The following UNC5C variants were observed in gnomAD, a reference collection of about 807,000 sequenced individuals.
UNC5C encodes unc-5 netrin receptor C.
Under a neutral mutation model 99.8 loss-of-function variants are expected in UNC5C, and 47 were observed. That is an observed-to-expected ratio of 0.47 (90% CI 0.37 to 0.60). The LOEUF (loss-of-function observed/expected upper bound fraction) is 0.60. UNC5C is among the 20% of genes least tolerant of loss of function. UNC5C has a pLI of 0.00. For missense variants in UNC5C, 1,062 were observed against 1,165.9 expected (o/e 0.91, Z 1.30); for synonymous variants, 487 against 452.2 (o/e 1.08, Z -0.98).
At chr4:95,240,573 G>A (rs4699413) in intron 7 of UNC5C, among the ~76,000 whole-genome samples, 56,336 of 151,904 alleles carry the variant, frequency 0.37, 10,726 homozygotes, top group East Asian at 0.58. Flanking sequence ...ATTTTAACCC[G>A]AACAGCAAAA....
intron 2 of UNC5C, among the ~76,000 whole-genome samples, chr4:95,310,440 G>T (rs1213083017): frequency 6.6e-6 from 1 of 151,754 alleles, no homozygotes; most frequent in Non-Finnish European, 1.5e-5. Context: ...ATTTTTAAGT[G>T]TTCTCATTAC....
chr4:95,298,340 C>T (rs2149402734), intron 3 of UNC5C, among the ~76,000 whole-genome samples: 1 of 152,094 alleles, frequency 6.6e-6, no homozygotes, highest in Non-Finnish European at 1.5e-5. Flanking sequence ...CAAACAAAAC[C>T]AAAGATAATT....
At chr4:95,303,936 C>T (rs1298940280) in intron 2 of UNC5C, among the ~76,000 whole-genome samples, 1 of 152,006 alleles carries the variant, frequency 6.6e-6, no homozygotes, top group Non-Finnish European at 1.5e-5. Context: ...TCTGGAACTC[C>T]TTAAAAACTG....
At chr4:95,547,385 ACACCCC>A (rs1435266375) in intron 1 of UNC5C, among the ~76,000 whole-genome samples, 5 of 151,880 alleles carry the variant, frequency 3.3e-5, no homozygotes. Context: ...TCCGCTTCCA[ACACCCC>A]CATCCCCACC....
At chr4:95,355,467 G>T (rs752526792) in intron 1 of UNC5C, among the ~76,000 whole-genome samples, 3 of 152,032 alleles carry the variant, frequency 2.0e-5, no homozygotes, top group Non-Finnish European at 4.4e-5. Flanking sequence ...TTCACCTTAA[G>T]CTTTATTTCC....
Position 95,533,960 on chromosome 4 carries a change from T to C in UNC5C, c.124+14774A>G, listed in dbSNP as rs1403626151. Among the ~76,000 whole-genome samples, 3 of 152,218 alleles carry C rather than the reference T, an allele frequency of 2.0e-5. No individual in the cohort carries two copies. The South Asian group carries it at 6.2e-4, about 31-fold the overall frequency. On this transcript the variant is annotated intron_variant, in intron 1 of 15. Coordinates refer to ENST00000453304, the MANE Select transcript of UNC5C (RefSeq NM_003728.4). ...CCCACATAAGCAGTTTAATCAATCA[T>C]TAAAAGCATTCTAGTTGCTTCTGTT...
chr4:95,308,696 G>A (rs1742149097), intron 2 of UNC5C, among the ~76,000 whole-genome samples: 1 of 119,846 alleles, frequency 8.3e-6, no homozygotes, highest in Non-Finnish European at 1.6e-5. Context: ...AGGTTTCAGT[G>A]ATTCGAGATT....
chr4:95,422,860 G>A (rs1165535703), intron 1 of UNC5C, among the ~76,000 whole-genome samples: 2 of 152,068 alleles, frequency 1.3e-5, no homozygotes, highest in African/African-American at 4.8e-5. Flanking sequence ...TCCTCTTCCA[G>A]ATGCAGAAAA....
At chr4:95,198,491 T>TAAG (rs1553952274) in intron 12 of UNC5C, among the ~76,000 whole-genome samples, 4 of 152,208 alleles carry the variant, frequency 2.6e-5, no homozygotes, top group South Asian at 4.1e-4. Context: ...GCTACTAGAA[T>TAAG]AAGTTTGGGC....
chr4:95,306,712 AG>A (rs1742075239), intron 2 of UNC5C, among the ~76,000 whole-genome samples: 1 of 152,116 alleles, frequency 6.6e-6, no homozygotes, highest in South Asian at 2.1e-4. Flanking sequence ...TTATGGCAAA[AG>A]GAAGTTTTAA....
At chr4:95,191,602 C>T (rs1737096976) in intron 12 of UNC5C, among the ~76,000 whole-genome samples, 2 of 151,314 alleles carry the variant, frequency 1.3e-5, no homozygotes, top group Admixed American at 1.3e-4. Context: ...CCCTGCTCTC[C>T]CTCCTTCCCT....
chr4:95,412,214 G>A (rs773932151), intron 1 of UNC5C, among the ~76,000 whole-genome samples: 4 of 151,852 alleles, frequency 2.6e-5, no homozygotes, highest in Non-Finnish European at 5.9e-5. Flanking sequence ...TTTAATGTTC[G>A]TACCTGTTTC....
chr4:95,268,611 A>C (rs1380555682), intron 4 of UNC5C, among the ~76,000 whole-genome samples: 1 of 152,214 alleles, frequency 6.6e-6, no homozygotes, highest in African/African-American at 2.4e-5. Context: ...TTTTCTTATT[A>C]TACTCTCCTG....
intron 1 of UNC5C, among the ~76,000 whole-genome samples, chr4:95,364,288 C>T (rs554872730): frequency 9.9e-5 from 15 of 152,258 alleles, no homozygotes; most frequent in African/African-American, 3.6e-4. Context: ...GAAAAGGAAA[C>T]CTCTTTTTGA....
chr4:95,177,647 C>G (rs2149347662), intron 14 of UNC5C, among the ~76,000 whole-genome samples: 1 of 152,224 alleles, frequency 6.6e-6, no homozygotes, highest in East Asian at 1.9e-4. Context: ...GTGCTGTTGG[C>G]TGTGATCATG....
At chr4:95,227,588 C>G (rs923945215) in intron 7 of UNC5C, among the ~76,000 whole-genome samples, 6 of 152,176 alleles carry the variant, frequency 3.9e-5, no homozygotes, top group Non-Finnish European at 7.3e-5. Flanking sequence ...GGAGCAAGAG[C>G]AGGCTATGTC....
At chr4:95,371,506 G>A (rs565818501) in intron 1 of UNC5C, among the ~76,000 whole-genome samples, 10 of 151,992 alleles carry the variant, frequency 6.6e-5, no homozygotes, top group Middle Eastern at 3.4e-3. Flanking sequence ...TAATCTGATG[G>A]TTTAGAGGCA....
intron 10 of UNC5C, among the ~76,000 whole-genome samples, chr4:95,210,293 G>A (rs911259890): frequency 6.6e-6 from 1 of 152,104 alleles, no homozygotes; most frequent in African/African-American, 2.4e-5. Flanking sequence ...TCTTAACAGG[G>A]AATGAAAAAC....
chr4:95,486,473 T>C (rs1351182659), intron 1 of UNC5C, among the ~76,000 whole-genome samples: 1 of 151,702 alleles, frequency 6.6e-6, no homozygotes, highest in Non-Finnish European at 1.5e-5. Flanking sequence ...AGGTTCTCAT[T>C]ATCCTACACT....
Sources: allele counts gnomAD v4.1 joint callset (sites outside exome capture counted in the v4.1 genomes callset), GRCh38; gene constraint gnomAD v4.1.1; transcripts MANE v1.5; gene names NCBI Gene and HGNC (gene_info 2026-07-23, HGNC 2026-07-21).